The following SIMC1 variants were observed in gnomAD, a reference collection of about 807,000 sequenced individuals.
SIMC1 encodes the protein SUMO-interacting motif-containing protein 1.
A neutral mutation model predicts 82.3 loss-of-function variants in SIMC1; 55 were observed. The ratio of observed to expected loss-of-function variants is 0.67; its 90% CI spans 0.54 to 0.84. SIMC1 has a LOEUF of 0.84. Ranked by LOEUF, SIMC1 falls within the 40% of genes least tolerant of loss-of-function variation. SIMC1 has a pLI of 0.00. For synonymous variants in SIMC1, 353 were observed against 426.3 expected, an observed-to-expected ratio of 0.83 and a Z score of 2.12; for missense variants, 915 against 1,107.2, an observed-to-expected ratio of 0.83 and a Z score of 2.46.
At chr5:176,269,963 C>T (rs941575173) in intron 1 of SIMC1, among the ~76,000 whole-genome samples, 4 of 151,458 alleles carry the variant, frequency 2.6e-5, no homozygotes, top group African/African-American at 9.7e-5. Flanking sequence ...TGCTTTGTTG[C>T]CCAGGCTGGT....
Position 176,290,357 on chromosome 5 carries a change from C to T in SIMC1, c.833C>T (p.Pro278Leu), listed in dbSNP as rs746222761. 1.2e-6 allele frequency: 2 copies of T among 1,613,974 alleles called. No individual in the cohort carries two copies. Among genetic ancestry groups the T allele is most frequent in the Non-Finnish European group, 1.7e-6 (2 of 1,179,886 alleles). The change falls in exon 2 of 10, where the codon CCA (proline) becomes CTA (leucine). Residue 278 changes from proline (P) to leucine (L), a missense_variant. Coordinates refer to ENST00000429602, the MANE Select transcript of SIMC1 (RefSeq NM_001308195.2). ...TGCCCTCGGCAGAATATCCCAGGCCCACCTCAAGACTCTCTGGGCCTACCT... is the reference window on the plus strand; with the variant it reads ...TGCCCTCGGCAGAATATCCCAGGCCTACCTCAAGACTCTCTGGGCCTACCT... The part of the protein sequence containing the change: ...VPCPRQNIPG[P>L]PQDSLGLPQD...
chr5:176,311,562 AAG>A (rs1418625736), intron 4 of SIMC1, among the ~76,000 whole-genome samples: 2 of 152,212 alleles, frequency 1.3e-5, no homozygotes, highest in African/African-American at 2.4e-5. Context: ...TAAAAAAAAA[AAG>A]AGAGAAAGAA....
intron 2 of SIMC1, among the ~76,000 whole-genome samples, chr5:176,291,611 C>T (rs1763578993): frequency 6.6e-6 from 1 of 152,052 alleles, no homozygotes; most frequent in African/African-American, 2.4e-5. Context: ...GCTAGGATTA[C>T]AGGCGTGAGC....
Position 176,290,803 on chromosome 5 carries a change from CCT to C in SIMC1, c.1280_1281del (p.Pro427ArgfsTer25). The C allele has an allele frequency of 6.2e-7, 1 of 1,613,500 alleles. No homozygotes were observed. The highest frequency in any genetic ancestry group is 8.5e-7 in the Non-Finnish European group (1 of 1,179,562). On this transcript the variant is annotated frameshift_variant, in exon 2 of 10. Transcript: ENST00000429602. LOFTEE classifies it high-confidence loss of function. Reference sequence around the variant, plus strand: ...CAGAAAAGAAATATCACTGTCAGAGCCTGCCAAACCTGGGTCTGCCCACGTAC... The same window carrying C: ...CAGAAAAGAAATATCACTGTCAGAGCGCCAAACCTGGGTCTGCCCACGTAC... The part of the protein sequence containing the change: ...PARKEISLSE[P>X]AKPGSAHVQS...
intron 4 of SIMC1, among the ~76,000 whole-genome samples, chr5:176,312,551 A>T (rs1175764573): frequency 1.3e-5 from 2 of 151,920 alleles, no homozygotes; most frequent in African/African-American, 4.8e-5. Context: ...AAAAAAAAAA[A>T]AAAAAAAAAT....
At chr5:176,296,535 G>C (rs1763824809) in intron 4 of SIMC1, 2 of 554,364 alleles carry the variant, frequency 3.6e-6, no homozygotes, top group East Asian at 3.2e-5. Flanking sequence ...CAGGCATAGT[G>C]ATGCATGCCT....
At chr5:176,284,599 A>G (rs1299364390) in intron 1 of SIMC1, among the ~76,000 whole-genome samples, 1 of 152,218 alleles carries the variant, frequency 6.6e-6, no homozygotes, top group South Asian at 2.1e-4. Flanking sequence ...ACACCCTAAC[A>G]TCACAATTAA....
intron 1 of SIMC1, among the ~76,000 whole-genome samples, chr5:176,255,188 G>A (rs1214161834): frequency 6.6e-6 from 1 of 151,960 alleles, no homozygotes; most frequent in Non-Finnish European, 1.5e-5. Context: ...AGGTTGCAGT[G>A]AGCTGAGATT....
rs367754165 is a variant in SIMC1 at position 176,290,146 on chromosome 5, C to T, written c.622C>T (p.Pro208Ser). Residue 208 changes from proline (P) to serine (S), a missense_variant, in exon 2 of 10, where the codon CCA becomes TCA. This residue lies in a region of SIMC1 where 902 missense variants were observed against 1,040.3 expected (regional missense o/e 0.87). Transcript: ENST00000429602. ...SSNQKAPLPC[P>S]QQDVSRPPQA... ...CAATCAAAAAGCACCCTTGCCATGC[C>T]CACAGCAAGATGTATCTCGCCCACC... The T allele has an allele frequency of 1.8e-4, 292 of 1,608,238 alleles. No homozygotes were observed. Among genetic ancestry groups the T allele is most frequent in the Non-Finnish European group, 2.3e-4 (276 of 1,177,324 alleles).
At chr5:176,282,903 C>G (rs1763079660) in intron 1 of SIMC1, among the ~76,000 whole-genome samples, 1 of 152,122 alleles carries the variant, frequency 6.6e-6, no homozygotes, top group South Asian at 2.1e-4. Flanking sequence ...CCGATTCGAT[C>G]AACTGGAAGA....
chr5:176,324,918 G>A (rs1368099420), intron 7 of SIMC1, among the ~76,000 whole-genome samples, 161 bp downstream of exon 7: 1 of 152,154 alleles, frequency 6.6e-6, no homozygotes, highest in East Asian at 1.9e-4. Context: ...GAAGAAAATA[G>A]TAGAAGGATT....
At position 176,331,161 on chromosome 5, in the gene SIMC1, G is replaced by A. The variant is rs190807361; in HGVS notation, c.2172-5559G>A. On this transcript the variant is annotated intron_variant, in intron 7 of 9. Transcript: ENST00000429602. Reference sequence around the variant, plus strand: ...CAAGGCGGGTGGATCACGAGGTCAGGAGATCAATACCATCCTGGCTAACAC... The same window carrying A: ...CAAGGCGGGTGGATCACGAGGTCAGAAGATCAATACCATCCTGGCTAACAC... Among the ~76,000 whole-genome samples, 636 of 151,778 alleles carry A rather than the reference G, an allele frequency of 4.2e-3. 5 individuals carry two copies. The highest frequency in any genetic ancestry group is 0.015 in the African/African-American group (612 of 41,412).
rs1301968414 is a variant in SIMC1, at chr5:176,313,457, T to TA, written c.1735-228dup. 4.5e-6 allele frequency: 7 copies of TA among 1,549,526 alleles called. No homozygotes were observed. The Admixed American group carries it at 5.9e-5, about 13-fold the overall frequency. ...GATCCTTTGAACAAGTAATAATACT[T>TA]AAAAAATGGTTTCTGAAACCTTATA... On this transcript the variant is annotated intron_variant, in intron 4 of 9. Coordinates refer to ENST00000429602, the MANE Select transcript of SIMC1 (RefSeq NM_001308195.2).
intron 4 of SIMC1, among the ~76,000 whole-genome samples, chr5:176,305,999 C>A (rs868169185): frequency 1.6e-5 from 1 of 64,262 alleles, no homozygotes; most frequent in Non-Finnish European, 3.5e-5. Flanking sequence ...GTCAGCCCCC[C>A]GCCCGGCCAG....
chr5:176,301,286 T>C (rs1450808669), intron 4 of SIMC1, among the ~76,000 whole-genome samples: 1 of 151,476 alleles, frequency 6.6e-6, no homozygotes, highest in Non-Finnish European at 1.5e-5. Context: ...TAAAGGGGAG[T>C]TCCCCTACAC....
chr5:176,277,688 C>A (rs988698948), intron 1 of SIMC1, among the ~76,000 whole-genome samples: 3 of 152,018 alleles, frequency 2.0e-5, no homozygotes, highest in Non-Finnish European at 2.9e-5. Flanking sequence ...TTTCCCAGCA[C>A]CATTTATTAA....
At chr5:176,277,725 T>C (rs1481443239) in intron 1 of SIMC1, among the ~76,000 whole-genome samples, 6 of 152,054 alleles carry the variant, frequency 3.9e-5, no homozygotes, top group Non-Finnish European at 8.8e-5. Context: ...CCATTGCTTG[T>C]TTTTCTCAGG....
In SIMC1 at chr5:176,289,960, G is replaced by A. The variant is rs368098647; in HGVS notation, c.436G>A (p.Ala146Thr). The A allele has an allele frequency of 5.9e-5, 95 of 1,613,566 alleles. No individual in the cohort carries two copies. Among genetic ancestry groups the A allele is most frequent in the Middle Eastern group, 3.3e-4 (2 of 6,082 alleles). ...EENTFVGPPP[A>T]TSISGGSVYP... ...AAACACCTTTGTAGGTCCCCCACCC[G>A]CTACATCCATCAGTGGAGGCTCTGT... The change falls in exon 2 of 10, where the codon GCT becomes ACT. Residue 146 changes from alanine (A) to threonine (T), a missense_variant. Transcript: ENST00000429602.
At chr5:176,247,273 G>T (rs1370070156) in intron 1 of SIMC1, among the ~76,000 whole-genome samples, 1 of 152,002 alleles carries the variant, frequency 6.6e-6, no homozygotes, top group Non-Finnish European at 1.5e-5. Context: ...GCATCTGTTG[G>T]TTCCTGACTT....
Sources: allele counts gnomAD v4.1 joint callset (sites outside exome capture counted in the v4.1 genomes callset), GRCh38; gene constraint gnomAD v4.1.1; regional missense constraint gnomAD v4.1.1; transcripts MANE v1.5; gene names NCBI Gene and HGNC (gene_info 2026-07-23, HGNC 2026-07-21).